RANBP2: variants seen among roughly 807,000 people sequenced by gnomAD.
RANBP2 encodes the protein RAN binding protein 2.
Under a neutral mutation model 303.6 loss-of-function variants are expected in RANBP2, and 57 were observed. That is an observed-to-expected ratio of 0.19 (90% CI 0.15 to 0.23). RANBP2 has a LOEUF of 0.23. RANBP2 is among the 10% of genes least tolerant of loss of function. The pLI is 1.00. For synonymous variants in RANBP2, 1,167 were observed against 1,301.5 expected, an observed-to-expected ratio of 0.90 and a Z score of 2.23; for missense variants, 3,138 against 3,780.8, an observed-to-expected ratio of 0.83 and a Z score of 4.46.
the RANBP2 span, among the ~76,000 whole-genome samples, chr2:109,202,183 CCTT>C: frequency 6.6e-6 from 1 of 152,174 alleles, no homozygotes; most frequent in Admixed American, 6.5e-5. Flanking sequence ...AGAAAACAAC[CCTT>C]CTCTTCCCTC....
chr2:109,424,187 C>T, the RANBP2 span, among the ~76,000 whole-genome samples: 5 of 152,322 alleles, frequency 3.3e-5, no homozygotes, highest in East Asian at 5.8e-4. Flanking sequence ...GTCTGATCCT[C>T]GGGGCTCTGG....
the RANBP2 span, among the ~76,000 whole-genome samples, chr2:109,726,532 G>A: frequency 6.6e-6 from 1 of 152,130 alleles, no homozygotes; most frequent in East Asian, 1.9e-4. Flanking sequence ...GGTCCGTGTC[G>A]CAGAGGAGAC....
the RANBP2 span, among the ~76,000 whole-genome samples, chr2:108,927,746 T>C: frequency 8.5e-5 from 13 of 152,100 alleles, no homozygotes; most frequent in African/African-American, 3.1e-4. Flanking sequence ...GCTATCTAGG[T>C]CTGGATGTCC....
At chr2:109,029,648 C>T in the RANBP2 span, among the ~76,000 whole-genome samples, 290 of 152,330 alleles carry the variant, frequency 1.9e-3, 2 homozygotes, top group South Asian at 0.015. Context: ...AGCCCTCCCT[C>T]CTTCCTCGGC....
chr2:109,260,939 A>C, the RANBP2 span, among the ~76,000 whole-genome samples: 5 of 152,168 alleles, frequency 3.3e-5, no homozygotes, highest in East Asian at 9.7e-4. Flanking sequence ...TCTGTTTACA[A>C]GCAGTGAGGC....
At chr2:109,105,396 G>C in the RANBP2 span, among the ~76,000 whole-genome samples, 2 of 152,166 alleles carry the variant, frequency 1.3e-5, no homozygotes, top group African/African-American at 2.4e-5. Flanking sequence ...TACCTCAAGG[G>C]AAGAATCAGG....
chr2:109,403,994 CAG>C, the RANBP2 span, among the ~76,000 whole-genome samples: 2 of 152,146 alleles, frequency 1.3e-5, no homozygotes, highest in East Asian at 1.9e-4. Context: ...CTCAGGGAAT[CAG>C]GGAATGAATC....
At chr2:109,579,385 CTTT>C in the RANBP2 span, among the ~76,000 whole-genome samples, 5 of 139,356 alleles carry the variant, frequency 3.6e-5, no homozygotes, top group Non-Finnish European at 3.2e-5. Flanking sequence ...CCAGGCCCTC[CTTT>C]TTTTTTTTTT....
At chr2:109,240,916 C>A in the RANBP2 span, among the ~76,000 whole-genome samples, 1 of 149,222 alleles carries the variant, frequency 6.7e-6, no homozygotes, top group African/African-American at 2.5e-5. Context: ...CTCCCCGCTT[C>A]TTTTCTCATG....
At position 108,775,905 on chromosome 2, in the gene RANBP2, A is replaced by G. The variant is rs747216720; in HGVS notation, c.8466A>G (p.Arg2822=). 87 of 1,612,022 alleles carry G rather than the reference A, an allele frequency of 5.4e-5. No homozygotes were observed. The highest frequency in any genetic ancestry group is 7.0e-5 in the Non-Finnish European group (82 of 1,179,854). ...TMDKPVDLST[R]KEIDTDSTSQ... ...ACAAACCTGTAGATTTGTCAACTAG[A>G]AAGGAAATTGATACAGATTCTACAA... The change falls in exon 24 of 29, where the codon AGA becomes AGG. Residue 2822 remains arginine (R), a synonymous_variant. Transcript: ENST00000283195.
the RANBP2 span, among the ~76,000 whole-genome samples, chr2:108,820,273 T>C: frequency 4.6e-5 from 7 of 152,102 alleles, no homozygotes; most frequent in African/African-American, 1.7e-4. Flanking sequence ...AATAAAATTA[T>C]GTCAGAGGAG....
At chr2:109,401,404 A>T in the RANBP2 span, among the ~76,000 whole-genome samples, 11 of 152,118 alleles carry the variant, frequency 7.2e-5, no homozygotes, top group African/African-American at 2.7e-4. Flanking sequence ...CTCCTAGAAG[A>T]GCAAAGGCCA....
At chr2:108,908,042 C>A in the RANBP2 span, 3 of 1,594,870 alleles carry the variant, frequency 1.9e-6, no homozygotes, top group South Asian at 3.4e-5. Flanking sequence ...GAGCGATGGT[C>A]ATTAGCAGTG....
chr2:108,960,497 G>A, the RANBP2 span, among the ~76,000 whole-genome samples: 2 of 152,214 alleles, frequency 1.3e-5, no homozygotes, highest in Non-Finnish European at 2.9e-5. Flanking sequence ...GTGGGGGCAT[G>A]AGGAGCCAGG....
the RANBP2 span, among the ~76,000 whole-genome samples, chr2:109,360,849 A>G: frequency 2.0e-5 from 3 of 152,192 alleles, no homozygotes; most frequent in African/African-American, 7.2e-5. Context: ...TATTTTTAGT[A>G]TGATGTTAAA....
the RANBP2 span, among the ~76,000 whole-genome samples, chr2:108,815,381 A>G: frequency 6.6e-6 from 1 of 151,480 alleles, no homozygotes; most frequent in Non-Finnish European, 1.5e-5. Flanking sequence ...AGTTATTCCA[A>G]CTTCCTGATT....
the RANBP2 span, among the ~76,000 whole-genome samples, chr2:109,196,864 G>A: frequency 1.8e-3 from 267 of 152,316 alleles, 1 homozygote; most frequent in Admixed American, 6.3e-3. Flanking sequence ...ACAGAGGTGG[G>A]CCTAGATGGA....
At chr2:109,317,893 A>G in the RANBP2 span, among the ~76,000 whole-genome samples, 1 of 140,212 alleles carries the variant, frequency 7.1e-6, no homozygotes, top group East Asian at 3.5e-4. Context: ...GGAAAGATGT[A>G]TGTGGCCAGC....
chr2:109,709,259 T>C, the RANBP2 span, among the ~76,000 whole-genome samples: 1 of 149,580 alleles, frequency 6.7e-6, no homozygotes, highest in African/African-American at 2.4e-5. Context: ...TGGGCTGAGA[T>C]CGCACCATTG....
Sources: gnomAD v4.1 joint callset for allele counts (sites outside exome capture counted in the v4.1 genomes callset) on GRCh38, gnomAD v4.1.1 for gene constraint, MANE v1.5 for transcripts, NCBI Gene and HGNC (gene_info 2026-07-23, HGNC 2026-07-21) for gene names.